Variants in IFFO2 observed in about 807,000 individuals in gnomAD.
IFFO2 encodes intermediate filament family orphan 2.
IFFO2 carries 19 observed loss-of-function variants against 53.5 expected under a neutral mutation model. That is an observed-to-expected ratio of 0.36 (90% CI 0.25 to 0.52). IFFO2 has a LOEUF of 0.52. Among genes scored for constraint, IFFO2 ranks in the 20% least tolerant of loss-of-function variants. The pLI, the probability that IFFO2 is intolerant of heterozygous loss-of-function variation, is 0.94. For synonymous variants in IFFO2, 303 were observed against 313.6 expected (o/e 0.97, Z 0.36); for missense variants, 570 against 727.4 (o/e 0.78, Z 2.49).
chr1:18,914,822 CAAA>C (rs71030111), intron 5 of IFFO2, among the ~76,000 whole-genome samples: 1,395 of 72,122 alleles, frequency 0.019, 24 homozygotes, highest in African/African-American at 0.064. Context: ...GGCTCCATCT[CAAA>C]AAAAAAAAAA....
Position 18,955,880 on chromosome 1 carries a change from C to T in IFFO2, c.453G>A (p.Pro151=), listed in dbSNP as rs752356312. 1 of 1,367,420 alleles carries T rather than the reference C, an allele frequency of 7.3e-7. No homozygotes were observed. The highest frequency in any genetic ancestry group is 9.3e-7 in the Non-Finnish European group (1 of 1,070,450). 84.7% of individuals were successfully genotyped at this position (1,367,420 alleles called of 1,614,324 possible). A position where few individuals can be genotyped will look rare whatever the true frequency, so the allele number is the denominator to read the frequency against. ...GGLPPGGGSH[P]QHYGRLPGTI... ...TCCCGGGCAGGCGGCCGTAGTGCTG[C>T]GGGTGCGAGCCGCCGCCGGGGGGCA... is the stretch of plus-strand genomic sequence containing the variant. The change falls in exon 1 of 9, where the codon CCG becomes CCA. Residue 151 remains proline, a synonymous_variant. Transcript: ENST00000455833.
Position 18,936,276 on chromosome 1 carries a change from T to C in IFFO2, c.666-15155A>G, listed in dbSNP as rs903201973. Among the ~76,000 whole-genome samples the C allele has an allele frequency of 6.6e-6, 1 of 152,210 alleles. No homozygotes were observed. The highest frequency in any genetic ancestry group is 2.4e-5 in the African/African-American group (1 of 41,448). ...AGGCCAACTCTGCTACTCTCTTCTC[T>C]GCACCTTGAAGCCTGGGCCTACCTT... On this transcript the variant is annotated intron_variant, in intron 1 of 8. Coordinates refer to ENST00000455833, the MANE Select transcript of IFFO2 (RefSeq NM_001136265.2). This position sits in a 1 kb window ranked among gnomAD's most constrained non-coding sequence, Gnocchi z 4.5.
Position 18,928,899 on chromosome 1 carries a change from C to G in IFFO2, c.666-7778G>C, listed in dbSNP as rs1174620296. On this transcript the variant is annotated intron_variant, in intron 1 of 8. Transcript: ENST00000455833. The surrounding 1 kb of genome is among the most constrained non-coding windows in gnomAD (Gnocchi z 4.9). ...GTGGTGACAGCCTCAGGGATACCAA[C>G]TCCATCCGGAGTTATCCTGGGTGCC... Among the ~76,000 whole-genome samples the G allele has an allele frequency of 6.6e-6, 1 of 152,210 alleles. No individual in the cohort carries two copies. Among genetic ancestry groups the G allele is most frequent in the Non-Finnish European group, 1.5e-5 (1 of 68,032 alleles).
intron 5 of IFFO2, among the ~76,000 whole-genome samples, chr1:18,913,750 C>T (rs947268017): frequency 7.2e-5 from 11 of 152,216 alleles, no homozygotes; most frequent in African/African-American, 2.4e-4. Context: ...TCAGGGCGGC[C>T]CACACAGAAC....
In IFFO2 at chr1:18,956,354, G is replaced by A; in HGVS notation, c.-22C>T. The A allele has an allele frequency of 4.1e-6, 1 of 244,900 alleles. No homozygotes were observed. The highest frequency in any genetic ancestry group is 7.0e-6 in the Non-Finnish European group (1 of 143,590). 15.2% of individuals were successfully genotyped at this position (244,900 alleles called of 1,614,324 possible). A position where few individuals can be genotyped will look rare whatever the true frequency, so the allele number is the denominator to read the frequency against. ...CCATGCGCCGGCTGCGCGGCTCAGGGCCCCGGGCCCGCGGCTCCAGGTGCG... is the reference window on the plus strand; with the variant it reads ...CCATGCGCCGGCTGCGCGGCTCAGGACCCCGGGCCCGCGGCTCCAGGTGCG... On this transcript the variant is annotated 5_prime_UTR_variant, in exon 1 of 9. Transcript: ENST00000455833. The surrounding 1 kb of genome is among the most constrained non-coding windows in gnomAD (Gnocchi z 6.4).
chr1:18,933,944 C>T (rs1936411879), intron 1 of IFFO2, among the ~76,000 whole-genome samples: 1 of 151,856 alleles, frequency 6.6e-6, no homozygotes, highest in South Asian at 2.1e-4. Flanking sequence ...TCCCCGCAGC[C>T]CCTGGCAACC....
At chr1:18,954,162 C>G (rs141800598) in intron 1 of IFFO2, among the ~76,000 whole-genome samples, 1 of 152,210 alleles carries the variant, frequency 6.6e-6, no homozygotes, top group South Asian at 2.1e-4. Context: ...AGACCTACCC[C>G]CAGGAAGCTA....
intron 1 of IFFO2, among the ~76,000 whole-genome samples, chr1:18,937,825 C>T (rs753446974): frequency 6.6e-6 from 1 of 152,242 alleles, no homozygotes; most frequent in Non-Finnish European, 1.5e-5. Context: ...CGAGGGGAAT[C>T]CCTCAAGCGC....
At chr1:18,946,409 CTTTTT>C (rs71577809) in intron 1 of IFFO2, among the ~76,000 whole-genome samples, 1 of 96,540 alleles carries the variant, frequency 1.0e-5, no homozygotes, top group Non-Finnish European at 2.1e-5. Context: ...TTGCCACTTT[CTTTTT>C]TTTTTTTTTT....
rs1207738384 is a variant in IFFO2 at position 18,919,781 on chromosome 1, G to C, written c.727-8C>G. On this transcript the variant is annotated splice_polypyrimidine_tract_variant and splice_region_variant and intron_variant, in intron 2 of 8. Coordinates refer to ENST00000455833, the MANE Select transcript of IFFO2 (RefSeq NM_001136265.2). This position sits in a 1 kb window ranked among gnomAD's most constrained non-coding sequence, Gnocchi z 4.9. ...ATCAGCCTCCTGTGCTGCCTGCGGG[G>C]ACGGAGATGGGGAGGCTTCAGAGGG... is the stretch of plus-strand genomic sequence containing the variant. 6.5e-7 allele frequency: 1 copy of C among 1,545,460 alleles called. No homozygotes were observed. Among genetic ancestry groups the C allele is most frequent in the African/African-American group, 1.4e-5 (1 of 72,914 alleles).
chr1:18,923,049 C>T (rs9426698), intron 1 of IFFO2, among the ~76,000 whole-genome samples: 49,053 of 152,100 alleles, frequency 0.32, 10,373 homozygotes, highest in African/African-American at 0.61. Context: ...CGGCTCAGAG[C>T]GGGGAAGGCG....
rs1211879169 is a variant in IFFO2 at position 18,917,870 on chromosome 1, G to A, written c.963+492C>T. 1.3e-5 allele frequency among the ~76,000 whole-genome samples: 2 copies of A among 152,120 alleles called. No individual in the cohort carries two copies. The highest frequency in any genetic ancestry group is 1.3e-4 in the Admixed American group (2 of 15,282). On this transcript the variant is annotated intron_variant, in intron 4 of 8. Transcript: ENST00000455833. This position sits in a 1 kb window ranked among gnomAD's most constrained non-coding sequence, Gnocchi z 5.9. Reference sequence around the variant, plus strand: ...GGGTATCGAGAGCCTCTTTGGGGTGGAATGAAAAATAGTCAAAGGCCAACA... The same window carrying A: ...GGGTATCGAGAGCCTCTTTGGGGTGAAATGAAAAATAGTCAAAGGCCAACA...
intron 1 of IFFO2, among the ~76,000 whole-genome samples, chr1:18,951,050 C>A (rs1936653781): frequency 6.6e-6 from 1 of 152,236 alleles, no homozygotes; most frequent in African/African-American, 2.4e-5. Context: ...TCCAGCTCAG[C>A]ACTGAGGGCC....
At chr1:18,941,202 TAC>T (rs1218190181) in intron 1 of IFFO2, among the ~76,000 whole-genome samples, 10 of 152,234 alleles carry the variant, frequency 6.6e-5, no homozygotes, top group African/African-American at 2.4e-4. Context: ...GCAGTGGGCA[TAC>T]AGAGTGCTCT....
intron 1 of IFFO2, among the ~76,000 whole-genome samples, chr1:18,955,160 G>A (rs1936707863): frequency 6.6e-6 from 1 of 152,152 alleles, no homozygotes; most frequent in Admixed American, 6.5e-5. Context: ...CTTTTCATAT[G>A]TTGAGGGAGG....
Position 18,906,869 on chromosome 1 carries a change from A to C in IFFO2, c.*1692T>G, listed in dbSNP as rs1398820459. Reference sequence around the variant, plus strand: ...TGACGAAGGCCACCAAATCGTGATAAATTACATCACACATAGTCACTAACA... The same window carrying C: ...TGACGAAGGCCACCAAATCGTGATACATTACATCACACATAGTCACTAACA... On this transcript the variant is annotated 3_prime_UTR_variant, in exon 9 of 9. Transcript: ENST00000455833. 1.3e-5 allele frequency: 2 copies of C among 152,204 alleles called. No individual in the cohort carries two copies. Among genetic ancestry groups the C allele is most frequent in the Non-Finnish European group, 1.5e-5 (1 of 68,034 alleles). 9.4% of individuals were successfully genotyped at this position (152,204 alleles called of 1,614,324 possible).
chr1:18,930,036 G>T (rs569187314), intron 1 of IFFO2, among the ~76,000 whole-genome samples: 6 of 152,266 alleles, frequency 3.9e-5, no homozygotes, highest in Non-Finnish European at 7.4e-5. Flanking sequence ...AGTGGAGAGG[G>T]GAGCAGGGAC....
intron 1 of IFFO2, among the ~76,000 whole-genome samples, chr1:18,922,241 C>G (rs1936226047): frequency 6.6e-6 from 1 of 152,158 alleles, no homozygotes; most frequent in South Asian, 2.1e-4. Flanking sequence ...GCTCCTCCAA[C>G]AGAGTTCCTC....
intron 1 of IFFO2, among the ~76,000 whole-genome samples, chr1:18,926,279 G>A (rs1166884540): frequency 6.6e-6 from 1 of 152,184 alleles, no homozygotes; most frequent in Non-Finnish European, 1.5e-5. Context: ...TCCCAGCATA[G>A]CCCCTGCACT....
Sources: gnomAD v4.1 joint callset for allele counts (sites outside exome capture counted in the v4.1 genomes callset) on GRCh38, gnomAD v4.1.1 for gene constraint, Gnocchi (gnomAD v3.1) non-coding constraint, MANE v1.5 for transcripts, NCBI Gene and HGNC (gene_info 2026-07-23, HGNC 2026-07-21) for gene names.